PCDHGA5: variants seen among roughly 807,000 people sequenced by gnomAD.
PCDHGA5 encodes protocadherin gamma subfamily A, 5.
PCDHGA5 carries 36 observed loss-of-function variants against 56.7 expected under a neutral mutation model. The ratio of observed to expected loss-of-function variants is 0.64; its 90% CI spans 0.49 to 0.84. The LOEUF is 0.84. Ranked by LOEUF, PCDHGA5 falls within the 40% of genes least tolerant of loss-of-function variation. The pLI, the probability that PCDHGA5 is intolerant of heterozygous loss-of-function variation, is 0.00. For synonymous variants in PCDHGA5, 563 were observed against 520.2 expected (o/e 1.08, Z -1.12); for missense variants, 1,305 against 1,201.5 (o/e 1.09, Z -1.27).
At chr5:141,421,306 T>C (rs1356157966) in intron 1 of PCDHGA5, 1 of 1,613,564 alleles carries the variant, frequency 6.2e-7, no homozygotes, top group South Asian at 1.1e-5. Context: ...GCTGCGGGGG[T>C]TCCGGGCCAG....
chr5:141,510,795 G>T (rs994874330), intron 3 of PCDHGA5, 152 bp from the exon 4 acceptor site: 6 of 1,465,214 alleles, frequency 4.1e-6, no homozygotes. Flanking sequence ...CTTGTGAAGA[G>T]AGACTACCTT....
chr5:141,421,409 C>T, intron 1 of PCDHGA5: 1 of 1,614,026 alleles, frequency 6.2e-7, no homozygotes, highest in Non-Finnish European at 8.5e-7. Context: ...CGGGAGCTGG[C>T]GAAGCGCGGA....
intron 1 of PCDHGA5, chr5:141,390,308 T>A (rs768472507): frequency 1.2e-6 from 2 of 1,613,092 alleles, no homozygotes; most frequent in African/African-American, 2.7e-5. Context: ...TATAATTTAA[T>A]GCTCATTGCC....
At chr5:141,408,959 G>A (rs1434961395) in intron 1 of PCDHGA5, 1 of 1,613,722 alleles carries the variant, frequency 6.2e-7, no homozygotes, top group East Asian at 2.2e-5. Context: ...TAGTCTTAGT[G>A]AAAATCTGCC....
At chr5:141,447,027 T>TG (rs563674341) in intron 1 of PCDHGA5, among the ~76,000 whole-genome samples, 103 of 152,252 alleles carry the variant, frequency 6.8e-4, no homozygotes, top group South Asian at 2.3e-3. Flanking sequence ...TGTTTTGTTT[T>TG]TTTTCTGTGT....
chr5:141,443,367 C>T (rs1305408862), intron 1 of PCDHGA5, among the ~76,000 whole-genome samples: 1 of 151,712 alleles, frequency 6.6e-6, no homozygotes, highest in African/African-American at 2.4e-5. Flanking sequence ...TGCCTGTGGT[C>T]TCAGCTACTT....
intron 1 of PCDHGA5, among the ~76,000 whole-genome samples, chr5:141,455,137 G>A (rs892739175): frequency 2.7e-5 from 4 of 150,642 alleles, no homozygotes; most frequent in African/African-American, 9.8e-5. Flanking sequence ...ATTACACTGT[G>A]TTAAATAAAT....
rs377248872 is a variant in PCDHGA5 at position 141,489,231 on chromosome 5, C to T, written c.2422-5576C>T. 2 of 1,528,166 alleles carry T rather than the reference C, an allele frequency of 1.3e-6. No homozygotes were observed. The highest frequency in any genetic ancestry group is 1.4e-5 in the African/African-American group (1 of 72,140). The allele number at this position is 1,528,166 out of a possible 1,614,324, so 94.7% of individuals were successfully genotyped here. A position where few individuals can be genotyped will look rare whatever the true frequency, so the allele number is the denominator to read the frequency against. On this transcript the variant is annotated intron_variant, in intron 1 of 3. Transcript: ENST00000518069. This position sits in a 1 kb window ranked among gnomAD's most constrained non-coding sequence, Gnocchi z 4.5. ...CACAGACTTACTCTCCACAAAGGGA[C>T]TTCTGGGTCATGGGGCCCAAGACAC...
intron 1 of PCDHGA5, among the ~76,000 whole-genome samples, chr5:141,468,782 C>T (rs1280972843): frequency 2.0e-5 from 3 of 151,990 alleles, no homozygotes; most frequent in East Asian, 3.9e-4. Context: ...AGGAGAATGG[C>T]GTGAACCCGG....
At chr5:141,404,023 A>G in intron 1 of PCDHGA5, 1 of 1,613,874 alleles carries the variant, frequency 6.2e-7, no homozygotes, top group South Asian at 1.1e-5. Context: ...GCCCAGTGAG[A>G]GAAGACGCAC....
intron 1 of PCDHGA5, chr5:141,408,969 C>T (rs1005367761): frequency 3.7e-6 from 6 of 1,613,594 alleles, no homozygotes; most frequent in Non-Finnish European, 5.1e-6. Context: ...GAAAATCTGC[C>T]CCCTGGGTCC....
intron 1 of PCDHGA5, among the ~76,000 whole-genome samples, chr5:141,454,252 A>T (rs1288181537): frequency 6.6e-6 from 1 of 152,214 alleles, no homozygotes; most frequent in Non-Finnish European, 1.5e-5. Context: ...AAGATGTCCC[A>T]GAGAAAGTAA....
chr5:141,385,041 C>T, intron 1 of PCDHGA5: 1 of 1,614,174 alleles, frequency 6.2e-7, no homozygotes, highest in Non-Finnish European at 8.5e-7. Flanking sequence ...TGCTGGCGCT[C>T]AGGCTGCGGC....
chr5:141,468,847 C>T (rs2099182933), intron 1 of PCDHGA5, among the ~76,000 whole-genome samples: 1 of 151,986 alleles, frequency 6.6e-6, no homozygotes, highest in African/African-American at 2.4e-5. Flanking sequence ...GCCTGGGCAA[C>T]AGAGCGAGAC....
intron 1 of PCDHGA5, chr5:141,427,812 G>T: frequency 6.6e-7 from 1 of 1,524,404 alleles, no homozygotes; most frequent in Non-Finnish European, 9.0e-7. Flanking sequence ...CGCACAGAGC[G>T]GGGTGGTGGT....
At chr5:141,418,667 G>A (rs1561775322) in intron 1 of PCDHGA5, 1 of 1,614,036 alleles carries the variant, frequency 6.2e-7, no homozygotes, top group Admixed American at 1.7e-5. Flanking sequence ...CACTGACCAG[G>A]ACGAGGGCAT....
chr5:141,374,511 T>C (rs1235970803), intron 1 of PCDHGA5: 45 of 1,611,794 alleles, frequency 2.8e-5, no homozygotes, highest in Non-Finnish European at 3.7e-5. Context: ...GTGAAAATTC[T>C]CGAAAACGCA....
chr5:141,432,584 C>T lies in PCDHGA5; in HGVS notation c.2422-62223C>T, dbSNP rs762935149. The T allele has an allele frequency of 2.3e-5, 37 of 1,613,854 alleles. No individual in the cohort carries two copies. The highest frequency in any genetic ancestry group is 3.3e-4 in the Middle Eastern group (2 of 6,018). On this transcript the variant is annotated intron_variant, in intron 1 of 3. Coordinates refer to ENST00000518069, the MANE Select transcript of PCDHGA5 (RefSeq NM_018918.3). The surrounding 1 kb of genome is among the most constrained non-coding windows in gnomAD (Gnocchi z 6.0). ...GAACGCCTGGCTGTCCTACCGTCTG[C>T]TCAAGGCCAGCGAGCCGGGACTCTT...
chr5:141,438,165 G>GA (rs1252266607), intron 1 of PCDHGA5, among the ~76,000 whole-genome samples: 2 of 152,076 alleles, frequency 1.3e-5, no homozygotes, highest in East Asian at 3.8e-4. Flanking sequence ...AAGCTAATTG[G>GA]AAAAAATATT....
Sources: allele counts gnomAD v4.1 joint callset (sites outside exome capture counted in the v4.1 genomes callset), GRCh38; gene constraint gnomAD v4.1.1; non-coding constraint Gnocchi (gnomAD v3.1); transcripts MANE v1.5; gene names NCBI Gene and HGNC (gene_info 2026-07-23, HGNC 2026-07-21).